The following ARK2C variants were observed in gnomAD, a reference collection of about 807,000 sequenced individuals.
ARK2C encodes the protein arkadia (RNF111) C-terminal like ring finger ubiquitin ligase 2C.
At chr18:46,390,333 G>T in the ARK2C span, among the ~76,000 whole-genome samples, 3 of 152,328 alleles carry the variant, frequency 2.0e-5, no homozygotes, top group South Asian at 6.2e-4. Context: ...CTTCCTGCCC[G>T]CTGGGTGTTG....
the ARK2C span, among the ~76,000 whole-genome samples, chr18:46,403,290 A>C: frequency 3.9e-5 from 6 of 152,278 alleles, no homozygotes; most frequent in South Asian, 8.3e-4. Context: ...TCATCAGTTA[A>C]GTAACTGATG....
At chr18:46,444,638 ATT>A in the ARK2C span, among the ~76,000 whole-genome samples, 19 of 139,106 alleles carry the variant, frequency 1.4e-4, no homozygotes, top group East Asian at 2.1e-4. Context: ...TAATTTAAAC[ATT>A]TTTTTTTTTT....
the ARK2C span, among the ~76,000 whole-genome samples, chr18:46,423,454 G>A: frequency 6.6e-6 from 1 of 152,330 alleles, no homozygotes; most frequent in Admixed American, 6.5e-5. Flanking sequence ...ACTCCTAGGG[G>A]AACTCAGGAG....
the ARK2C span, among the ~76,000 whole-genome samples, chr18:46,444,516 G>C: frequency 5.3e-5 from 8 of 152,122 alleles, no homozygotes; most frequent in Non-Finnish European, 1.2e-4. Flanking sequence ...CTAGGCAGAA[G>C]TGCAGTGGTG....
the ARK2C span, among the ~76,000 whole-genome samples, chr18:46,449,892 C>A: frequency 2.8e-3 from 424 of 152,310 alleles, 4 homozygotes; most frequent in African/African-American, 9.8e-3. Flanking sequence ...CTCTGCCACC[C>A]AACTGCCTGG....
At chr18:46,376,744 C>T in the ARK2C span, among the ~76,000 whole-genome samples, 1 of 142,774 alleles carries the variant, frequency 7.0e-6, no homozygotes, top group Non-Finnish European at 1.5e-5. Context: ...CAATCTCAGC[C>T]ACTGCAACAT....
At chr18:46,435,505 C>G in the ARK2C span, 5 of 863,610 alleles carry the variant, frequency 5.8e-6, no homozygotes, top group Non-Finnish European at 9.2e-6. Context: ...GCGCAGGAGG[C>G]CTAGTTCTCA....
the ARK2C span, among the ~76,000 whole-genome samples, chr18:46,437,429 T>C: frequency 1.3e-5 from 2 of 152,264 alleles, no homozygotes; most frequent in Admixed American, 6.5e-5. Context: ...ACTCTCATCC[T>C]CTGCAAGGAG....
chr18:46,374,768 T>TG, the ARK2C span, among the ~76,000 whole-genome samples: 139 of 152,206 alleles, frequency 9.1e-4, no homozygotes, highest in African/African-American at 3.3e-3. Flanking sequence ...CTGGCTGAAC[T>TG]GGGGGGGCTA....
At chr18:46,346,798 G>A in the ARK2C span, among the ~76,000 whole-genome samples, 1 of 152,160 alleles carries the variant, frequency 6.6e-6, no homozygotes, top group Non-Finnish European at 1.5e-5. Flanking sequence ...TGCTTGTTCA[G>A]GCCTGGGACA....
the ARK2C span, among the ~76,000 whole-genome samples, chr18:46,351,245 T>A: frequency 6.6e-6 from 1 of 152,278 alleles, no homozygotes; most frequent in Non-Finnish European, 1.5e-5. Context: ...GACCTAGCCC[T>A]ACAGAGTCAC....
chr18:46,404,080 T>C, the ARK2C span, among the ~76,000 whole-genome samples: 5,954 of 152,276 alleles, frequency 0.039, 375 homozygotes, highest in African/African-American at 0.14. Context: ...CAAGGTGTTT[T>C]TACATTCCCA....
chr18:46,399,880 C>G, the ARK2C span, among the ~76,000 whole-genome samples: 4 of 152,166 alleles, frequency 2.6e-5, no homozygotes, highest in Non-Finnish European at 4.4e-5. Context: ...TGAGGGTGGC[C>G]CCTCACAACC....
the ARK2C span, chr18:46,336,056 G>T: frequency 1.0e-6 from 1 of 985,384 alleles, no homozygotes; most frequent in Non-Finnish European, 1.2e-6. Context: ...GGGGTGAGGG[G>T]GAGTGGGTGT....
At chr18:46,395,605 T>C in the ARK2C span, among the ~76,000 whole-genome samples, 89 of 152,188 alleles carry the variant, frequency 5.8e-4, no homozygotes, top group African/African-American at 2.1e-3. Context: ...CAAACCTGAG[T>C]CTGTATGGCC....
At chr18:46,352,831 TAGA>T in the ARK2C span, among the ~76,000 whole-genome samples, 1 of 152,222 alleles carries the variant, frequency 6.6e-6, no homozygotes, top group Non-Finnish European at 1.5e-5. Flanking sequence ...TGCATTACCG[TAGA>T]AGGAGAGAAC....
chr18:46,432,426 T>C, the ARK2C span, among the ~76,000 whole-genome samples: 1 of 152,212 alleles, frequency 6.6e-6, no homozygotes. Context: ...CAACTTCTGG[T>C]TGTTTTATTC....
chr18:46,405,364 C>T, the ARK2C span, among the ~76,000 whole-genome samples: 17 of 152,182 alleles, frequency 1.1e-4, no homozygotes, highest in South Asian at 2.1e-4. Flanking sequence ...GGCTGGCACT[C>T]GGAAGGGGGC....
At chr18:46,392,740 T>C in the ARK2C span, among the ~76,000 whole-genome samples, 1 of 152,172 alleles carries the variant, frequency 6.6e-6, no homozygotes, top group East Asian at 1.9e-4. Flanking sequence ...CTTGATTCAG[T>C]TCTTCAGTGT....
Sources: allele counts gnomAD v4.1 joint callset (sites outside exome capture counted in the v4.1 genomes callset), GRCh38; gene constraint gnomAD v4.1.1; transcripts MANE v1.5; gene names NCBI Gene and HGNC (gene_info 2026-07-23, HGNC 2026-07-21).